Variants in AHNAK observed in about 807,000 individuals in gnomAD.
AHNAK encodes neuroblast differentiation-associated protein AHNAK.
AHNAK carries 23 observed loss-of-function variants against 37.8 expected under a neutral mutation model. The observed-to-expected ratio is 0.61, with a 90% CI of 0.44 to 0.86. AHNAK has a LOEUF of 0.86. Ranked by LOEUF, AHNAK falls within the 40% of genes least tolerant of loss-of-function variation. The pLI is 0.00. For missense variants in AHNAK, 7,411 were observed against 7,319.4 expected (o/e 1.01, Z -0.46); for synonymous variants, 2,481 against 2,636.3 (o/e 0.94, Z 1.80).
chr11:62,468,942 G>A (rs1938974333), intron 5 of AHNAK, among the ~76,000 whole-genome samples: 1 of 152,070 alleles, frequency 6.6e-6, no homozygotes, highest in Non-Finnish European at 1.5e-5. Flanking sequence ...ATTTCATTTT[G>A]TAGAATAAGA....
At chr11:62,453,251 A>G (rs1451940911) in intron 5 of AHNAK, among the ~76,000 whole-genome samples, 1 of 152,112 alleles carries the variant, frequency 6.6e-6, no homozygotes, top group Non-Finnish European at 1.5e-5. Flanking sequence ...TCAATGCCTT[A>G]AAGCTAATCA....
In AHNAK at chr11:62,462,627, G is replaced by A. The variant is rs924745542; in HGVS notation, c.443-28736C>T. 2.0e-5 allele frequency among the ~76,000 whole-genome samples: 3 copies of A among 152,268 alleles called. No homozygotes were observed. The South Asian group carries it at 6.2e-4, about 32-fold the overall frequency. The stretch of plus-strand genomic sequence containing the variant: ...GATAACTTAATCCAGATCTTCTAAC[G>A]CTAAATCCACACACGTTGCTACTTC... On this transcript the variant is annotated intron_variant, in intron 5 of 5. Transcript: ENST00000257247.
intron 5 of AHNAK, among the ~76,000 whole-genome samples, chr11:62,434,867 G>A (rs1228003900): frequency 6.9e-6 from 1 of 144,018 alleles, no homozygotes; most frequent in Non-Finnish European, 1.5e-5. Context: ...GGAGGCAGAG[G>A]TTGCACAGTG....
chr11:62,500,689 G>A (rs1590632772), intron 4 of AHNAK, among the ~76,000 whole-genome samples: 1 of 152,084 alleles, frequency 6.6e-6, no homozygotes, highest in Admixed American at 6.6e-5. Context: ...CTCCCACTTT[G>A]AGCTAAGTGA....
chr11:62,479,474 T>G (rs1386672930), intron 5 of AHNAK, among the ~76,000 whole-genome samples: 3 of 152,128 alleles, frequency 2.0e-5, no homozygotes, highest in Non-Finnish European at 4.4e-5. Flanking sequence ...GCCCCTTTTT[T>G]TTTTTTAAGA....
At chr11:62,495,272 T>C (rs902195040) in intron 4 of AHNAK, among the ~76,000 whole-genome samples, 1 of 152,092 alleles carries the variant, frequency 6.6e-6, no homozygotes, top group African/African-American at 2.4e-5. Context: ...TCATGTTTCA[T>C]AGCATATATT....
At position 62,441,064 on chromosome 11, in the gene AHNAK, C is replaced by A. The variant is rs548632226; in HGVS notation, c.443-7173G>T. On this transcript the variant is annotated intron_variant, in intron 5 of 5. Transcript: ENST00000257247. ...TGCCCAGGCTGGAGTGCAGTGGCATCATCTCAGCTCACTGCAACCTCCGCC... is the reference window on the plus strand; with the variant it reads ...TGCCCAGGCTGGAGTGCAGTGGCATAATCTCAGCTCACTGCAACCTCCGCC... Among the ~76,000 whole-genome samples the A allele has an allele frequency of 5.3e-5, 8 of 151,414 alleles. No homozygotes were observed. In the South Asian group the frequency reaches 1.7e-3, roughly 32 times the overall value.
chr11:62,479,810 C>G (rs1457426372), intron 5 of AHNAK, among the ~76,000 whole-genome samples: 1 of 152,194 alleles, frequency 6.6e-6, no homozygotes, highest in Non-Finnish European at 1.5e-5. Flanking sequence ...TTCCTGCATG[C>G]AATCTTGTCC....
At chr11:62,539,028 C>G (rs1381249952) in intron 1 of AHNAK, among the ~76,000 whole-genome samples, 1 of 152,196 alleles carries the variant, frequency 6.6e-6, no homozygotes, top group South Asian at 2.1e-4. Context: ...CTTGTCAACA[C>G]AGGTGCTGGC....
intron 4 of AHNAK, among the ~76,000 whole-genome samples, chr11:62,498,525 A>C (rs918572216): frequency 6.6e-6 from 1 of 151,652 alleles, no homozygotes; most frequent in African/African-American, 2.4e-5. Flanking sequence ...TTAGAAGGCC[A>C]AGGTGGGAGG....
intron 4 of AHNAK, 38 bp downstream of exon 4, chr11:62,534,965 G>C (rs1267688315): frequency 4.4e-6 from 7 of 1,585,100 alleles, no homozygotes; most frequent in South Asian, 2.2e-5. Flanking sequence ...GCATGGCCGG[G>C]GGAGCTCAGG....
Position 62,527,390 on chromosome 11 carries a change from C to G in AHNAK, c.7027G>C (p.Gly2343Arg), listed in dbSNP as rs961715862. The G allele has an allele frequency of 1.2e-6, 2 of 1,614,082 alleles. No individual in the cohort carries two copies. The highest frequency in any genetic ancestry group is 1.7e-5 in the Admixed American group (1 of 60,010). ...SAPKLEGELK[G>R]PELDVKGPKL... ...GGACCTTTGACATCCAATTCTGGAC[C>G]TTTTAACTCTCCCTCCAGCTTTGGG... is the stretch of plus-strand genomic sequence containing the variant. The change falls in exon 5 of 5, where the codon GGT (glycine) becomes CGT (arginine). Residue 2343 changes from glycine (G) to arginine (R), a missense_variant. By Grantham distance (125) the Gly-to-Arg change is moderately radical (BLOSUM62 -2). Coordinates refer to ENST00000378024, the MANE Select transcript of AHNAK (RefSeq NM_001620.3).
In AHNAK at chr11:62,526,957, A is replaced by G. The variant is rs753069158; in HGVS notation, c.7460T>C (p.Met2487Thr). The G allele has an allele frequency of 2.5e-6, 4 of 1,614,178 alleles. No homozygotes were observed. Among genetic ancestry groups the G allele is most frequent in the Non-Finnish European group, 3.4e-6 (4 of 1,180,016 alleles). The change falls in exon 5 of 5, where the codon ATG (methionine) becomes ACG (threonine). Residue 2487 changes from methionine (M) to threonine (T), a missense_variant. Transcript: ENST00000378024. ...ATCAACTTTGGGGCCCCTGATGTTCATATCTGGTACTTCAAGTTTACCTTC... is the reference window on the plus strand; with the variant it reads ...ATCAACTTTGGGGCCCCTGATGTTCGTATCTGGTACTTCAAGTTTACCTTC... ...EVEGKLEVPD[M>T]NIRGPKVDVN...
At position 62,528,613 on chromosome 11, in the gene AHNAK, T is replaced by C. The variant is rs776527215; in HGVS notation, c.5804A>G (p.Lys1935Arg). ...PDVDLHLKGPKVKGDVDVSVP... is the reference protein window; with the variant it reads ...PDVDLHLKGPRVKGDVDVSVP... ...CGACACATCCACATCCCCTTTGACT[T>C]TGGGGCCTTTCAAGTGTAAGTCCAC... Residue 1935 changes from lysine (K) to arginine (R), a missense_variant, in exon 5 of 5, where the codon AAA becomes AGA. Physicochemically the swap from Lys to Arg is conservative, Grantham distance 26 (BLOSUM62 2). Transcript: ENST00000378024. The C allele has an allele frequency of 3.7e-6, 6 of 1,610,068 alleles. No homozygotes were observed. The highest frequency in any genetic ancestry group is 1.3e-5 in the African/African-American group (1 of 74,184).
At chr11:62,471,681 G>T (rs1939038561) in intron 5 of AHNAK, among the ~76,000 whole-genome samples, 1 of 152,206 alleles carries the variant, frequency 6.6e-6, no homozygotes, top group South Asian at 2.1e-4. Flanking sequence ...AATGGGGAAG[G>T]TGAGGTTCAG....
intron 5 of AHNAK, chr11:62,491,663 A>G (rs368043572): frequency 3.1e-5 from 44 of 1,425,758 alleles, no homozygotes; most frequent in South Asian, 2.6e-4. Context: ...AGGCATGCCC[A>G]TCTGTGATAA....
chr11:62,439,291 T>C (rs997661485), intron 5 of AHNAK, among the ~76,000 whole-genome samples: 1 of 151,314 alleles, frequency 6.6e-6, no homozygotes, highest in Non-Finnish European at 1.5e-5. Flanking sequence ...AGACACGGGG[T>C]TTCGCTGTTT....
Position 62,532,360 on chromosome 11 carries a change from T to G in AHNAK, c.2057A>C (p.Lys686Thr). Residue 686 changes from lysine to threonine, a missense_variant, in exon 5 of 5, where the codon AAG becomes ACG. Transcript: ENST00000378024. ...TGTCTTGACACTCATATCAGGCAGC[T>G]TAACATCGGGGCCTTTAAGTTTTCC... ...LGGKLKGPDV[K>T]LPDMSVKTPK... 1.2e-6 allele frequency: 2 copies of G among 1,614,186 alleles called. No individual in the cohort carries two copies. Among genetic ancestry groups the G allele is most frequent in the Middle Eastern group, 1.6e-4 (1 of 6,062 alleles).
chr11:62,506,187 C>A (rs1360924429), intron 4 of AHNAK, among the ~76,000 whole-genome samples: 2 of 150,872 alleles, frequency 1.3e-5, no homozygotes, highest in Non-Finnish European at 2.9e-5. Flanking sequence ...CCAGCCTGGG[C>A]AACAGAGCGA....
Sources: gnomAD v4.1 joint callset for allele counts (sites outside exome capture counted in the v4.1 genomes callset) on GRCh38, gnomAD v4.1.1 for gene constraint, MANE v1.5 for transcripts, NCBI Gene and HGNC (gene_info 2026-07-23, HGNC 2026-07-21) for gene names.